The following CTNND2 variants were observed in gnomAD, a reference collection of about 807,000 sequenced individuals.
CTNND2 encodes the protein catenin delta 2.
CTNND2 carries 22 observed loss-of-function variants against 144.4 expected under a neutral mutation model. The observed-to-expected ratio is 0.15, with a 90% CI of 0.11 to 0.22. CTNND2 has a LOEUF of 0.22. CTNND2 is among the 10% of genes least tolerant of loss of function. The pLI, the probability that CTNND2 is intolerant of heterozygous loss-of-function variation, is 1.00. For missense variants in CTNND2, 1,353 were observed against 1,618.8 expected (o/e 0.84, Z 2.82); for synonymous variants, 751 against 695.6 (o/e 1.08, Z -1.25).
intron 16 of CTNND2, among the ~76,000 whole-genome samples, chr5:11,043,058 T>C (rs1017192376): frequency 6.6e-6 from 1 of 151,884 alleles, no homozygotes; most frequent in African/African-American, 2.4e-5. Flanking sequence ...TGTTAGCTTA[T>C]AAAATTTTTT....
At chr5:11,156,811 T>C (rs1423850790) in intron 12 of CTNND2, among the ~76,000 whole-genome samples, 2 of 152,016 alleles carry the variant, frequency 1.3e-5, no homozygotes, top group African/African-American at 2.4e-5. Flanking sequence ...AGGGAAGAAT[T>C]TGAAGTAAGA....
At chr5:11,124,884 C>T (rs936927339) in intron 12 of CTNND2, among the ~76,000 whole-genome samples, 1 of 152,194 alleles carries the variant, frequency 6.6e-6, no homozygotes, top group African/African-American at 2.4e-5. Flanking sequence ...GGATCCTAAA[C>T]TGTCTAAAAA....
In CTNND2 at chr5:11,640,555, T is replaced by A. The variant is rs182203891; in HGVS notation, c.175-75499A>T. Among the ~76,000 whole-genome samples the A allele has an allele frequency of 4.8e-3, 738 of 152,272 alleles. 1 individual carries two copies. The highest frequency in any genetic ancestry group is 6.8e-3 in the Middle Eastern group (2 of 294). On this transcript the variant is annotated intron_variant, in intron 2 of 21. Coordinates refer to ENST00000304623, the MANE Select transcript of CTNND2 (RefSeq NM_001332.4). ...AGCATATCTTTGTAAGTATGATTAA[T>A]TAGTAAGACAACGGGACTGGTGTCA... is the stretch of plus-strand genomic sequence containing the variant.
intron 9 of CTNND2, 73 bp downstream of exon 9, chr5:11,346,299 G>C: frequency 7.8e-7 from 1 of 1,284,714 alleles, no homozygotes. Flanking sequence ...GCAACATGAC[G>C]TGAAATAAAT....
chr5:11,565,134 T>C, intron 2 of CTNND2, 78 bp from the exon 3 acceptor site: 1 of 905,012 alleles, frequency 1.1e-6, no homozygotes, highest in Admixed American at 2.1e-5. Context: ...ATAGGACGGC[T>C]GAGGGAGAAA....
At chr5:10,991,913 TTTTA>T (rs112831406) in intron 19 of CTNND2, among the ~76,000 whole-genome samples, 7 of 152,136 alleles carry the variant, frequency 4.6e-5, no homozygotes, top group Admixed American at 6.5e-5. Flanking sequence ...ACTATTTTTA[TTTTA>T]TTTATTTATT....
At chr5:11,763,990 G>C (rs960813474) in intron 1 of CTNND2, among the ~76,000 whole-genome samples, 1 of 152,154 alleles carries the variant, frequency 6.6e-6, no homozygotes, top group East Asian at 1.9e-4. Flanking sequence ...TGAAAATTAG[G>C]GCACATGAAA....
intron 3 of CTNND2, among the ~76,000 whole-genome samples, chr5:11,431,447 T>C (rs1264896493): frequency 6.6e-6 from 1 of 152,232 alleles, no homozygotes; most frequent in East Asian, 1.9e-4. Context: ...GCCAGTGATA[T>C]GTTGAGACGT....
At chr5:11,811,910 T>G (rs1792354924) in intron 1 of CTNND2, among the ~76,000 whole-genome samples, 1 of 152,228 alleles carries the variant, frequency 6.6e-6, no homozygotes, top group Non-Finnish European at 1.5e-5. Flanking sequence ...AAGTGCTTTA[T>G]GATGATTTTT....
intron 1 of CTNND2, among the ~76,000 whole-genome samples, chr5:11,818,688 G>A (rs944749509): frequency 2.6e-5 from 4 of 152,052 alleles, no homozygotes; most frequent in Non-Finnish European, 5.9e-5. Flanking sequence ...ATTCTTAACC[G>A]ATATGCCCTA....
intron 2 of CTNND2, among the ~76,000 whole-genome samples, chr5:11,675,747 T>C (rs376658659): frequency 6.6e-6 from 1 of 152,064 alleles, no homozygotes; most frequent in South Asian, 2.1e-4. Flanking sequence ...TGTGTGTATA[T>C]ATATGTGTGT....
chr5:11,564,172 A>G (rs1444264623), intron 3 of CTNND2, among the ~76,000 whole-genome samples: 3 of 152,208 alleles, frequency 2.0e-5, no homozygotes, highest in African/African-American at 4.8e-5. Context: ...TCACTGCAGT[A>G]TTCACTGCAG....
At chr5:11,225,984 A>G (rs753720017) in intron 10 of CTNND2, among the ~76,000 whole-genome samples, 3 of 152,226 alleles carry the variant, frequency 2.0e-5, no homozygotes, top group Admixed American at 1.3e-4. Context: ...GGCAGAGATT[A>G]GAGATAAAGC....
chr5:11,528,139 T>C (rs1773431671), intron 3 of CTNND2, among the ~76,000 whole-genome samples: 1 of 152,174 alleles, frequency 6.6e-6, no homozygotes, highest in South Asian at 2.1e-4. Flanking sequence ...GGGAATCTCA[T>C]ACAGGGTTCA....
chr5:11,830,145 T>C (rs912784056), intron 1 of CTNND2, among the ~76,000 whole-genome samples: 1 of 152,216 alleles, frequency 6.6e-6, no homozygotes, highest in African/African-American at 2.4e-5. Flanking sequence ...TTGCATTTCA[T>C]CTTACGGGCT....
Position 11,534,476 on chromosome 5 carries a change from G to A in CTNND2, c.287+30468C>T, listed in dbSNP as rs537316236. Among the ~76,000 whole-genome samples the A allele has an allele frequency of 2.0e-5, 3 of 152,232 alleles. No homozygotes were observed. The South Asian group carries it at 6.2e-4, about 32-fold the overall frequency. ...AAAAATTAGCTGTGCATGGTGGCAT[G>A]TGCCTGTAATCCTAGCTACTTGGGA... On this transcript the variant is annotated intron_variant, in intron 3 of 21. Transcript: ENST00000304623.
chr5:11,753,121 C>A (rs1330728419), intron 1 of CTNND2, among the ~76,000 whole-genome samples: 1 of 151,822 alleles, frequency 6.6e-6, no homozygotes, highest in Non-Finnish European at 1.5e-5. Context: ...ATATTGTCTG[C>A]AAGCAGAGAA....
At chr5:11,437,915 T>C (rs1763910443) in intron 3 of CTNND2, among the ~76,000 whole-genome samples, 1 of 152,210 alleles carries the variant, frequency 6.6e-6, no homozygotes, top group Non-Finnish European at 1.5e-5. Flanking sequence ...CAGGGGTGGC[T>C]AGGCCTCTTC....
At chr5:11,827,373 G>C (rs1196866147) in intron 1 of CTNND2, among the ~76,000 whole-genome samples, 3 of 152,160 alleles carry the variant, frequency 2.0e-5, no homozygotes, top group Non-Finnish European at 4.4e-5. Context: ...AAGCCAGAAA[G>C]ATTGCAAGTC....
Sources: gnomAD v4.1 joint callset for allele counts (sites outside exome capture counted in the v4.1 genomes callset) on GRCh38, gnomAD v4.1.1 for gene constraint, MANE v1.5 for transcripts, NCBI Gene and HGNC (gene_info 2026-07-23, HGNC 2026-07-21) for gene names.